Variants in CLSTN2 observed in about 807,000 individuals in gnomAD.
CLSTN2 encodes the protein calsyntenin 2.
CLSTN2 carries 48 observed loss-of-function variants against 101.2 expected under a neutral mutation model. The observed-to-expected ratio is 0.47, with a 90% CI of 0.38 to 0.60. The LOEUF is 0.60. Ranked by LOEUF, CLSTN2 falls within the 20% of genes least tolerant of loss-of-function variation. The probability of loss-of-function intolerance (pLI) is 0.00; values close to 1 mark genes in which losing one functional copy is unlikely to be tolerated. For synonymous variants in CLSTN2, 481 were observed against 463.6 expected, an observed-to-expected ratio of 1.04 and a Z score of -0.48; for missense variants, 1,160 against 1,238.2, an observed-to-expected ratio of 0.94 and a Z score of 0.95.
chr3:139,998,823 C>T (rs936235633), intron 1 of CLSTN2, among the ~76,000 whole-genome samples: 5 of 152,160 alleles, frequency 3.3e-5, no homozygotes, highest in African/African-American at 1.2e-4. Context: ...TAGAAGCTGA[C>T]ATCCTCATTT....
rs140869559 is a variant in CLSTN2 at position 140,163,696 on chromosome 3, C to CT, written c.110-12254dup. On this transcript the variant is annotated intron_variant, in intron 1 of 16. Coordinates refer to ENST00000458420, the MANE Select transcript of CLSTN2 (RefSeq NM_022131.3). ...AGGGAGGAAATTTCAATTCTTCCAT[C>CT]TAGGAGCCGTGGCCTTGCTTGTATG... Among the ~76,000 whole-genome samples, 101 of 150,900 alleles carry CT rather than the reference C, an allele frequency of 6.7e-4. No homozygotes were observed. The East Asian group carries it at 0.017, about 25-fold the overall frequency.
intron 1 of CLSTN2, among the ~76,000 whole-genome samples, chr3:140,161,426 A>G (rs937812662): frequency 9.9e-5 from 15 of 152,200 alleles, no homozygotes; most frequent in African/African-American, 3.6e-4. Context: ...TTCTCCTGAC[A>G]GCATGCACTC....
chr3:140,506,947 A>G (rs965855891), intron 8 of CLSTN2: 3 of 152,242 alleles, frequency 2.0e-5, no homozygotes, highest in African/African-American at 7.2e-5. Context: ...TTACTTTTCT[A>G]ATATGGCTAC....
At chr3:140,331,232 C>T (rs75936454) in intron 2 of CLSTN2, among the ~76,000 whole-genome samples, 6,400 of 152,218 alleles carry the variant, frequency 0.042, 208 homozygotes, top group Non-Finnish European at 0.064. Context: ...GCATCTGGCA[C>T]GGGAAGAGAG....
chr3:139,969,576 C>T (rs964537351), intron 1 of CLSTN2, among the ~76,000 whole-genome samples: 1 of 152,226 alleles, frequency 6.6e-6, no homozygotes, highest in African/African-American at 2.4e-5. Context: ...CATCACTGCA[C>T]CCACCTGTCT....
chr3:140,153,579 G>C (rs2009903403), intron 1 of CLSTN2, among the ~76,000 whole-genome samples: 1 of 152,246 alleles, frequency 6.6e-6, no homozygotes, highest in South Asian at 2.1e-4. Flanking sequence ...GTGAAGTGTT[G>C]TTAAAAAGGA....
At chr3:140,092,201 A>G (rs1362200815) in intron 1 of CLSTN2, among the ~76,000 whole-genome samples, 1 of 152,158 alleles carries the variant, frequency 6.6e-6, no homozygotes, top group South Asian at 2.1e-4. Context: ...AGGAATTGGG[A>G]TGCTGTCTTA....
intron 2 of CLSTN2, among the ~76,000 whole-genome samples, chr3:140,387,658 A>T (rs2107968484): frequency 6.6e-6 from 1 of 152,376 alleles, no homozygotes; most frequent in Middle Eastern, 3.4e-3. Flanking sequence ...ACAGAAAAAC[A>T]TCACACATTT....
rs144628552 is a variant in CLSTN2, at chr3:140,449,219, A to G, written c.973+515A>G. The stretch of plus-strand genomic sequence containing the variant: ...CAAAAATTAACAAGAGTTTTACAAC[A>G]GAGACAGCAAAGCATTAAACCAAGT... On this transcript the variant is annotated intron_variant, in intron 6 of 16. Transcript: ENST00000458420. Among the ~76,000 whole-genome samples, 75 of 152,354 alleles carry G rather than the reference A, an allele frequency of 4.9e-4. 1 individual carries two copies. In the East Asian group the frequency reaches 9.6e-3, roughly 20 times the overall value.
At chr3:140,118,499 G>T (rs1341788732) in intron 1 of CLSTN2, among the ~76,000 whole-genome samples, 1 of 152,108 alleles carries the variant, frequency 6.6e-6, no homozygotes, top group Non-Finnish European at 1.5e-5. Flanking sequence ...TGAGGCTGGG[G>T]AAACAAAAAG....
chr3:140,193,812 T>G (rs186566558), intron 2 of CLSTN2, among the ~76,000 whole-genome samples: 53 of 152,206 alleles, frequency 3.5e-4, no homozygotes, highest in African/African-American at 1.2e-3. Flanking sequence ...TTCCTGAGGC[T>G]CTGTATTTTG....
intron 2 of CLSTN2, among the ~76,000 whole-genome samples, chr3:140,401,414 C>A (rs111949667): frequency 9.2e-5 from 14 of 152,272 alleles, no homozygotes; most frequent in African/African-American, 3.4e-4. Flanking sequence ...ACTTAGCCCT[C>A]GGAAAAATTA....
intron 1 of CLSTN2, among the ~76,000 whole-genome samples, chr3:140,149,426 A>G (rs1342679550): frequency 6.6e-6 from 1 of 151,576 alleles, no homozygotes; most frequent in Non-Finnish European, 1.5e-5. Flanking sequence ...CAGATAAAAT[A>G]TAGAGCATCC....
intron 1 of CLSTN2, among the ~76,000 whole-genome samples, chr3:140,161,129 C>A (rs1385591618): frequency 1.3e-5 from 2 of 152,084 alleles, no homozygotes; most frequent in Non-Finnish European, 2.9e-5. Flanking sequence ...TTGAGAGACT[C>A]CTCCAGCTGG....
At chr3:140,363,422 A>G (rs2087749921) in intron 2 of CLSTN2, among the ~76,000 whole-genome samples, 1 of 152,236 alleles carries the variant, frequency 6.6e-6, no homozygotes, top group African/African-American at 2.4e-5. Flanking sequence ...TGACAGTTAC[A>G]GAACTCCGTA....
chr3:140,385,809 A>G (rs922804961), intron 2 of CLSTN2, among the ~76,000 whole-genome samples: 1 of 152,146 alleles, frequency 6.6e-6, no homozygotes, highest in Non-Finnish European at 1.5e-5. Flanking sequence ...CTCACTGCAC[A>G]AGGCCTGAGA....
chr3:140,050,666 C>A (rs1229083693), intron 1 of CLSTN2, among the ~76,000 whole-genome samples: 1 of 152,142 alleles, frequency 6.6e-6, no homozygotes, highest in Non-Finnish European at 1.5e-5. Context: ...TCCTGCCCTT[C>A]AGTTTTTTGC....
At chr3:140,316,277 A>G (rs537635646) in intron 2 of CLSTN2, among the ~76,000 whole-genome samples, 2 of 152,222 alleles carry the variant, frequency 1.3e-5, no homozygotes, top group Admixed American at 1.3e-4. Flanking sequence ...AGAGGTAGAA[A>G]CTCCTAATCT....
Position 140,277,297 on chromosome 3 carries a change from C to T in CLSTN2, c.232+101224C>T, listed in dbSNP as rs555605254. Reference sequence around the variant, plus strand: ...ATTGCAGGTCTGAGGAGCTGAGTTACTTCCCCTAAGGTCCCTGGCTTTGTT... The same window carrying T: ...ATTGCAGGTCTGAGGAGCTGAGTTATTTCCCCTAAGGTCCCTGGCTTTGTT... On this transcript the variant is annotated intron_variant, in intron 2 of 16. Coordinates refer to ENST00000458420, the MANE Select transcript of CLSTN2 (RefSeq NM_022131.3). Among the ~76,000 whole-genome samples the T allele has an allele frequency of 2.0e-5, 3 of 152,302 alleles. No individual in the cohort carries two copies. The South Asian group carries it at 6.2e-4, about 32-fold the overall frequency.
Sources: allele counts gnomAD v4.1 joint callset (sites outside exome capture counted in the v4.1 genomes callset), GRCh38; gene constraint gnomAD v4.1.1; transcripts MANE v1.5; gene names NCBI Gene and HGNC (gene_info 2026-07-23, HGNC 2026-07-21).